Variants in PHF2 observed in about 807,000 individuals in gnomAD.
The protein encoded by PHF2 is PHD finger protein 2.
In PHF2, 27 loss-of-function variants were observed where a neutral mutation model predicts 120.5. The observed-to-expected ratio is 0.22, with a 90% CI of 0.17 to 0.31. The LOEUF (loss-of-function observed/expected upper bound fraction) is 0.31. Among genes scored for constraint, PHF2 ranks in the 10% least tolerant of loss-of-function variants. PHF2 has a pLI of 1.00. For missense variants in PHF2, 1,024 were observed against 1,434.8 expected, an observed-to-expected ratio of 0.71 and a Z score of 4.63; for synonymous variants, 568 against 592.5, an observed-to-expected ratio of 0.96 and a Z score of 0.60.
intron 1 of PHF2, among the ~76,000 whole-genome samples, chr9:93,583,780 A>T (rs1192534864): frequency 2.0e-5 from 3 of 151,590 alleles, no homozygotes; most frequent in East Asian, 1.9e-4. Context: ...GCTGAAGTGT[A>T]AGAGTTCTTT....
At chr9:93,616,049 AG>A (rs141673507) in intron 1 of PHF2, among the ~76,000 whole-genome samples, 1,619 of 152,356 alleles carry the variant, frequency 0.011, 14 homozygotes, top group Non-Finnish European at 0.017. Flanking sequence ...GCCTAGCACC[AG>A]GGAAAAGGGC....
intron 1 of PHF2, among the ~76,000 whole-genome samples, chr9:93,603,369 G>A (rs1202618116): frequency 2.6e-5 from 4 of 152,146 alleles, no homozygotes; most frequent in Non-Finnish European, 5.9e-5. Context: ...CGGCGACAGA[G>A]TTTAGGGCAT....
intron 1 of PHF2, among the ~76,000 whole-genome samples, chr9:93,613,437 G>C (rs1164549795): frequency 6.6e-6 from 1 of 152,134 alleles, no homozygotes; most frequent in Admixed American, 6.5e-5. Context: ...GGGACACTTA[G>C]GGTTGGCCAA....
At chr9:93,654,383 G>A in intron 6 of PHF2, 30 bp from the exon 7 acceptor site, 1 of 1,603,442 alleles carries the variant, frequency 6.2e-7, no homozygotes, top group Admixed American at 1.7e-5. Flanking sequence ...TCCCAGTATG[G>A]GCGGCTCTGC....
chr9:93,638,623 A>G (rs1826128568), intron 3 of PHF2, among the ~76,000 whole-genome samples: 1 of 152,212 alleles, frequency 6.6e-6, no homozygotes, highest in Non-Finnish European at 1.5e-5. Context: ...CTATTCCACT[A>G]ATCTATATCT....
intron 4 of PHF2, 32 bp from the exon 5 acceptor site, chr9:93,649,039 G>A (rs1826310614): frequency 1.9e-6 from 3 of 1,549,696 alleles, no homozygotes; most frequent in Non-Finnish European, 2.6e-6. Context: ...CGCCTTCCCA[G>A]GGTGCTCAAG....
chr9:93,627,702 A>G (rs1037150630), intron 1 of PHF2, among the ~76,000 whole-genome samples: 2 of 152,136 alleles, frequency 1.3e-5, no homozygotes, highest in Admixed American at 6.5e-5. Flanking sequence ...TTTGTAGAGT[A>G]TTTTTATCAT....
chr9:93,602,488 G>T (rs952355043), intron 1 of PHF2, among the ~76,000 whole-genome samples: 2 of 151,884 alleles, frequency 1.3e-5, no homozygotes, highest in African/African-American at 4.8e-5. Context: ...CCTGAGCTCC[G>T]GCAATCCACC....
rs370446190 is a variant in PHF2, at chr9:93,660,278, C to T, written c.1416C>T (p.Pro472=). 3.0e-5 allele frequency: 48 copies of T among 1,610,588 alleles called. No individual in the cohort carries two copies. Among genetic ancestry groups the T allele is most frequent in the Admixed American group, 1.0e-4 (6 of 59,624 alleles). Residue 472 remains proline, a synonymous_variant, in exon 12 of 22, where the codon CCC becomes CCT. Transcript: ENST00000359246. ...ACGGGGACCGGGAGAAGGAGGAGCCCCCGTCTCCCATTGAGGCCACCCCGC... is the reference window on the plus strand; with the variant it reads ...ACGGGGACCGGGAGAAGGAGGAGCCTCCGTCTCCCATTGAGGCCACCCCGC... ...VCDGDREKEE[P]PSPIEATPPQ...
intron 1 of PHF2, among the ~76,000 whole-genome samples, chr9:93,620,322 G>A (rs983224596): frequency 6.6e-6 from 1 of 152,258 alleles, no homozygotes; most frequent in Non-Finnish European, 1.5e-5. Flanking sequence ...GCCTCTGTCT[G>A]TGTCCTGGGA....
intron 3 of PHF2, 93 bp downstream of exon 3, chr9:93,636,618 C>G (rs1053627764): frequency 4.7e-5 from 43 of 918,806 alleles, no homozygotes; most frequent in Non-Finnish European, 6.5e-5. Context: ...TGGGGGCTTC[C>G]TTTGCTATCC....
rs978550076 is a variant in PHF2 at position 93,628,950 on chromosome 9, G to A, written c.99-1020G>A. Among the ~76,000 whole-genome samples the A allele has an allele frequency of 2.0e-5, 3 of 152,208 alleles. No homozygotes were observed. In the South Asian group the frequency reaches 6.2e-4, roughly 32 times the overall value. ...CTCATTCTGTTGCCCAGGCTGGAGT[G>A]CAGTGGTGCAATCTCGGCTCACTGC... On this transcript the variant is annotated intron_variant, in intron 1 of 21. Transcript: ENST00000359246.
At chr9:93,652,848 C>A (rs905583728) in intron 5 of PHF2, among the ~76,000 whole-genome samples, 19 of 152,304 alleles carry the variant, frequency 1.2e-4, no homozygotes, top group African/African-American at 4.6e-4. Context: ...TGCCACAGCA[C>A]ATGGCACGTG....
intron 2 of PHF2, among the ~76,000 whole-genome samples, chr9:93,635,540 C>T (rs1452274942): frequency 6.6e-6 from 1 of 152,222 alleles, no homozygotes; most frequent in Non-Finnish European, 1.5e-5. Flanking sequence ...AGCTGCTCTT[C>T]TCTGCCTGGT....
chr9:93,638,181 C>A (rs1258214790), intron 3 of PHF2, among the ~76,000 whole-genome samples: 3 of 151,470 alleles, frequency 2.0e-5, no homozygotes, highest in Non-Finnish European at 1.5e-5. Flanking sequence ...ATTCTAGATA[C>A]AAGCCCCATT....
chr9:93,636,229 G>T (rs948870380), intron 2 of PHF2, among the ~76,000 whole-genome samples, 182 bp from the exon 3 acceptor site: 2 of 152,202 alleles, frequency 1.3e-5, no homozygotes, highest in African/African-American at 4.8e-5. Flanking sequence ...TCGAGGTAGG[G>T]GGTTGACTCC....
In PHF2 at chr9:93,653,357, G is replaced by T; in HGVS notation, c.781G>T (p.Val261Leu). Reference protein sequence around the residue: ...DSGGASAWYHVLKGEKTFYLI... With the variant: ...DSGGASAWYHLLKGEKTFYLI... ...TGGGGGCGCCTCTGCCTGGTACCAC[G>T]TGCTCAAGGTGAGCCACGCCCCTCG... The change falls in exon 6 of 22, where the codon GTG becomes TTG. Residue 261 changes from valine (V) to leucine (L), a missense_variant. Val to Leu is a conservative substitution (Grantham distance 32, BLOSUM62 1). Coordinates refer to ENST00000359246, the MANE Select transcript of PHF2 (RefSeq NM_005392.4). 2 of 1,613,382 alleles carry T rather than the reference G, an allele frequency of 1.2e-6. No individual in the cohort carries two copies. The highest frequency in any genetic ancestry group is 1.7e-6 in the Non-Finnish European group (2 of 1,179,914).
intron 1 of PHF2, among the ~76,000 whole-genome samples, chr9:93,585,875 A>C (rs981356916): frequency 6.6e-6 from 1 of 152,232 alleles, no homozygotes; most frequent in Admixed American, 6.5e-5. Flanking sequence ...AGCACTAACC[A>C]GGAACGTGGG....
At chr9:93,670,109 G>A (rs1009735863) in intron 17 of PHF2, among the ~76,000 whole-genome samples, 1 of 152,256 alleles carries the variant, frequency 6.6e-6, no homozygotes, top group Non-Finnish European at 1.5e-5. Context: ...CTGGGAAGTG[G>A]TGGAGAGGGG....
Sources: allele counts gnomAD v4.1 joint callset (sites outside exome capture counted in the v4.1 genomes callset), GRCh38; gene constraint gnomAD v4.1.1; transcripts MANE v1.5; gene names NCBI Gene and HGNC (gene_info 2026-07-23, HGNC 2026-07-21).